SEMA3A: variants seen among roughly 807,000 people sequenced by gnomAD.
The protein encoded by SEMA3A is semaphorin 3A, also known as semaphorin-3A.
In SEMA3A, 29 loss-of-function variants were observed where a neutral mutation model predicts 97.9. That is an observed-to-expected ratio of 0.30 (90% CI 0.22 to 0.40). SEMA3A has a LOEUF of 0.40. SEMA3A is among the 10% of genes least tolerant of loss of function. SEMA3A has a pLI of 1.00. For synonymous variants in SEMA3A, 321 were observed against 323.7 expected (o/e 0.99, Z 0.09); for missense variants, 763 against 951.3 (o/e 0.80, Z 2.60).
chr7:84,367,894 T>C (rs1802890164), intron 2 of SEMA3A, among the ~76,000 whole-genome samples: 2 of 151,240 alleles, frequency 1.3e-5, no homozygotes, highest in South Asian at 2.1e-4. Flanking sequence ...TAAAAGAATC[T>C]TGAAGAAATC....
At chr7:84,254,220 T>G (rs1366773008) in intron 3 of SEMA3A, among the ~76,000 whole-genome samples, 1 of 152,188 alleles carries the variant, frequency 6.6e-6, no homozygotes, top group Admixed American at 6.5e-5. Flanking sequence ...GGGATTTGGT[T>G]ACTTAGGTTG....
intron 4 of SEMA3A, among the ~76,000 whole-genome samples, chr7:84,082,168 T>C (rs1472690667): frequency 6.6e-6 from 1 of 152,218 alleles, no homozygotes; most frequent in East Asian, 1.9e-4. Context: ...AATGTCATTC[T>C]CTTCTAAGTT....
At chr7:84,477,313 C>A (rs1192761656) in intron 1 of SEMA3A, among the ~76,000 whole-genome samples, 1 of 150,372 alleles carries the variant, frequency 6.7e-6, no homozygotes, top group African/African-American at 2.4e-5. Context: ...GTGGAGGGCA[C>A]CTGTAGTCCC....
chr7:84,220,727 T>C (rs1394858536), intron 3 of SEMA3A, among the ~76,000 whole-genome samples: 1 of 152,160 alleles, frequency 6.6e-6, no homozygotes, highest in Non-Finnish European at 1.5e-5. Context: ...TCCTGAGCAG[T>C]AGGTCTCAAC....
chr7:84,057,751 G>GACAA, intron 5 of SEMA3A, among the ~76,000 whole-genome samples: 1 of 142,714 alleles, frequency 7.0e-6, no homozygotes, highest in African/African-American at 2.6e-5. Context: ...GACAGAGCAA[G>GACAA]ATAAATAAAT....
chr7:84,207,806 G>C (rs555626198), intron 3 of SEMA3A, among the ~76,000 whole-genome samples: 1 of 152,024 alleles, frequency 6.6e-6, no homozygotes, highest in Non-Finnish European at 1.5e-5. Context: ...TATGGGAGGC[G>C]GGTTTCCCTG....
intron 4 of SEMA3A, among the ~76,000 whole-genome samples, chr7:84,107,788 A>T (rs1292347442): frequency 6.6e-6 from 1 of 152,180 alleles, no homozygotes; most frequent in Non-Finnish European, 1.5e-5. Context: ...TTTCAGGAAA[A>T]TGATAAAAAT....
rs1427956683 is a variant in SEMA3A, at chr7:84,026,713, C to T, written c.668-12362G>A. Among the ~76,000 whole-genome samples, 6 of 152,052 alleles carry T rather than the reference C, an allele frequency of 3.9e-5. No homozygotes were observed. In the South Asian group the frequency reaches 1.0e-3, roughly 26 times the overall value. ...TGTCCTGTAGGAACATGGATGGGGCCGGAGGCTCTTATCCTTAGCAAACTA... is the reference window on the plus strand; with the variant it reads ...TGTCCTGTAGGAACATGGATGGGGCTGGAGGCTCTTATCCTTAGCAAACTA... On this transcript the variant is annotated intron_variant, in intron 6 of 16. Coordinates refer to ENST00000265362, the MANE Select transcript of SEMA3A (RefSeq NM_006080.3).
rs553753348 is a variant in SEMA3A, at chr7:84,272,160, A to G, written c.-83+35047T>C. ...TTATAAAAGTAATATCATAGATTAT[A>G]TCAATAGGGTCATTATAATTAATTG... On this transcript the variant is annotated intron_variant, in intron 3 of 3. Coordinates refer to the SEMA3A transcript ENST00000424555. Among the ~76,000 whole-genome samples the G allele has an allele frequency of 2.6e-5, 4 of 152,226 alleles. No individual in the cohort carries two copies. The South Asian group carries it at 8.3e-4, about 32-fold the overall frequency.
intron 2 of SEMA3A, among the ~76,000 whole-genome samples, chr7:84,359,673 C>A (rs1802659859): frequency 6.6e-6 from 1 of 152,082 alleles, no homozygotes; most frequent in Admixed American, 6.6e-5. Context: ...AGGGAGGATT[C>A]CCTCTTTTTC....
chr7:84,381,085 T>A (rs1803246550), intron 1 of SEMA3A, among the ~76,000 whole-genome samples: 1 of 152,216 alleles, frequency 6.6e-6, no homozygotes, highest in Admixed American at 6.5e-5. Flanking sequence ...AGATCCTACA[T>A]ATAGGATGGA....
At chr7:84,412,371 T>C (rs2116253738) in intron 1 of SEMA3A, among the ~76,000 whole-genome samples, 1 of 152,276 alleles carries the variant, frequency 6.6e-6, no homozygotes, top group Admixed American at 6.5e-5. Context: ...TATTGTTCCA[T>C]GGTGAGTGCT....
intron 7 of SEMA3A, among the ~76,000 whole-genome samples, chr7:84,013,618 G>A (rs1257153510): frequency 6.6e-6 from 1 of 150,748 alleles, no homozygotes; most frequent in Non-Finnish European, 1.5e-5. Context: ...CCCTTTCGGG[G>A]GCCAAATCAC....
At chr7:84,380,801 T>C (rs1050684770) in intron 1 of SEMA3A, among the ~76,000 whole-genome samples, 1 of 152,220 alleles carries the variant, frequency 6.6e-6, no homozygotes, top group African/African-American at 2.4e-5. Context: ...CTCTGGTCCA[T>C]GCACAAAAAC....
At chr7:84,222,573 G>C (rs1238402811) in intron 3 of SEMA3A, among the ~76,000 whole-genome samples, 1 of 151,844 alleles carries the variant, frequency 6.6e-6, no homozygotes, top group Non-Finnish European at 1.5e-5. Flanking sequence ...AGCCTATGAA[G>C]AATTAGTTTT....
rs186439998 is a variant in SEMA3A, at chr7:84,353,111, T to C, written c.-169+18713A>G. ...TTATATTTTAAATTATCACTACTTA[T>C]AATACCCAATATAATGTAAATGTTA... On this transcript the variant is annotated intron_variant, in intron 2 of 3. Coordinates refer to the SEMA3A transcript ENST00000424555. Among the ~76,000 whole-genome samples the C allele has an allele frequency of 2.6e-4, 39 of 151,936 alleles. 1 individual carries two copies. Among genetic ancestry groups the C allele is most frequent in the Non-Finnish European group, 4.4e-4 (30 of 67,796 alleles).
intron 3 of SEMA3A, among the ~76,000 whole-genome samples, chr7:84,293,909 TTTG>T (rs2115795387): frequency 6.6e-6 from 1 of 152,152 alleles, no homozygotes; most frequent in African/African-American, 2.4e-5. Context: ...ACACATTGAA[TTTG>T]TTATTTGTTT....
At chr7:84,373,489 A>G (rs961369327) in intron 1 of SEMA3A, among the ~76,000 whole-genome samples, 1 of 152,218 alleles carries the variant, frequency 6.6e-6, no homozygotes, top group Non-Finnish European at 1.5e-5. Context: ...CTGAAATAAT[A>G]TGAGATCAGC....
At chr7:84,008,194 C>A (rs565989376) in intron 9 of SEMA3A, among the ~76,000 whole-genome samples, 32 of 152,250 alleles carry the variant, frequency 2.1e-4, no homozygotes, top group African/African-American at 7.7e-4. Context: ...TGAATTGCCA[C>A]AATTTTCCAT....
Sources: gnomAD v4.1 joint callset for allele counts (sites outside exome capture counted in the v4.1 genomes callset) on GRCh38, gnomAD v4.1.1 for gene constraint, MANE v1.5 for transcripts, NCBI Gene and HGNC (gene_info 2026-07-23, HGNC 2026-07-21) for gene names.